Variants in LARGE1 observed in about 807,000 individuals in gnomAD.
The protein encoded by LARGE1 is xylosyl- and glucuronyltransferase LARGE1.
LARGE1 carries 43 observed loss-of-function variants against 87.6 expected under a neutral mutation model. The ratio of observed to expected loss-of-function variants is 0.49; its 90% CI spans 0.38 to 0.63. The LOEUF is 0.63. Ranked by LOEUF, LARGE1 falls within the 30% of genes least tolerant of loss-of-function variation. The pLI is 0.00. For missense variants in LARGE1, 802 were observed against 1,000.2 expected (o/e 0.80, Z 2.67); for synonymous variants, 434 against 394.6 (o/e 1.10, Z -1.18).
At chr22:33,751,037 C>T (rs1455749044) in intron 2 of LARGE1, among the ~76,000 whole-genome samples, 1 of 152,186 alleles carries the variant, frequency 6.6e-6, no homozygotes, top group Non-Finnish European at 1.5e-5. Flanking sequence ...GCAAAACCTA[C>T]AAAATCACTT....
chr22:33,735,866 T>C (rs1344942221), intron 2 of LARGE1, among the ~76,000 whole-genome samples: 1 of 152,224 alleles, frequency 6.6e-6, no homozygotes, highest in Non-Finnish European at 1.5e-5. Flanking sequence ...ATTCTGACAT[T>C]TCATATAAAT....
chr22:33,543,553 G>GT (rs1286582068), intron 6 of LARGE1, among the ~76,000 whole-genome samples: 1 of 152,234 alleles, frequency 6.6e-6, no homozygotes, highest in Non-Finnish European at 1.5e-5. Context: ...AATGATGGTA[G>GT]TAAGTGGAAA....
At chr22:33,450,561 C>T (rs946532496) in intron 6 of LARGE1, among the ~76,000 whole-genome samples, 1 of 151,746 alleles carries the variant, frequency 6.6e-6, no homozygotes, top group Non-Finnish European at 1.5e-5. Flanking sequence ...TGCAGTGAGC[C>T]AAGATACTGC....
At chr22:33,381,461 C>A (rs1189520167) in intron 9 of LARGE1, among the ~76,000 whole-genome samples, 1 of 152,172 alleles carries the variant, frequency 6.6e-6, no homozygotes. Context: ...GACTGACCCA[C>A]CCACACCTGT....
chr22:33,512,699 A>G lies in LARGE1; in HGVS notation c.787+52149T>C, dbSNP rs376259599. On this transcript the variant is annotated intron_variant, in intron 6 of 14. Transcript: ENST00000397394. ...GCGCCTGTAATCCCAGCTACTCGGGAGGCTGAGGCAGGATAATCACTTAAA... is the reference window on the plus strand; with the variant it reads ...GCGCCTGTAATCCCAGCTACTCGGGGGGCTGAGGCAGGATAATCACTTAAA... Among the ~76,000 whole-genome samples the G allele has an allele frequency of 4.1e-4, 62 of 152,306 alleles. 1 individual carries two copies. In the South Asian group the frequency reaches 0.013, roughly 31 times the overall value.
Position 33,542,093 on chromosome 22 carries a change from T to C in LARGE1, c.787+22755A>G, listed in dbSNP as rs547208454. Among the ~76,000 whole-genome samples, 646 of 137,190 alleles carry C rather than the reference T, an allele frequency of 4.7e-3. 5 individuals carry two copies. Among genetic ancestry groups the C allele is most frequent in the African/African-American group, 0.016 (597 of 36,420 alleles). 90.0% of individuals were successfully genotyped at this position (137,190 alleles called of 152,430 possible). On this transcript the variant is annotated intron_variant, in intron 6 of 14. Transcript: ENST00000397394. Reference sequence around the variant, plus strand: ...AGGAGAAACCCTTGAACCAAGGAGGTAGAGGTTGCATTGAGCCGAGATCGC... The same window carrying C: ...AGGAGAAACCCTTGAACCAAGGAGGCAGAGGTTGCATTGAGCCGAGATCGC...
chr22:33,074,853 A>G, the LARGE1 span, among the ~76,000 whole-genome samples: 2 of 152,146 alleles, frequency 1.3e-5, no homozygotes, highest in South Asian at 2.1e-4. Flanking sequence ...TGTTTTCTAT[A>G]TATTTGACAT....
the LARGE1 span, among the ~76,000 whole-genome samples, chr22:33,117,084 T>C: frequency 1.3e-5 from 2 of 152,232 alleles, no homozygotes; most frequent in Admixed American, 6.5e-5. Flanking sequence ...CTGAGTCTCA[T>C]GTCTACTGAA....
chr22:33,891,470 C>T (rs2065004855), intron 1 of LARGE1, among the ~76,000 whole-genome samples: 1 of 150,456 alleles, frequency 6.6e-6, no homozygotes, highest in Non-Finnish European at 1.5e-5. Flanking sequence ...TGAGAGGATG[C>T]CATTCTATTA....
At chr22:33,163,411 T>C (rs1374032193) in exon 12 of LARGE1, 1 of 152,258 alleles carries the variant, frequency 6.6e-6, no homozygotes, top group Non-Finnish European at 1.5e-5. Context: ...GTTTCAATAC[T>C]CCAGAATGAA....
In LARGE1 at chr22:33,824,384, GA is replaced by G. The variant is rs534791406; in HGVS notation, c.-82-62827del. 1.6e-4 allele frequency among the ~76,000 whole-genome samples: 24 copies of G among 152,318 alleles called. No homozygotes were observed. The South Asian group carries it at 5.0e-3, about 32-fold the overall frequency. ...TTCACATGGTGGAAGGAGAAAGAGA[GA>G]GCAAAAGGGGAAATGCTATACACTT... On this transcript the variant is annotated intron_variant, in intron 1 of 14. Coordinates refer to ENST00000397394, the MANE Select transcript of LARGE1 (RefSeq NM_133642.5).
chr22:33,755,836 A>G (rs1320951608), intron 2 of LARGE1, among the ~76,000 whole-genome samples: 2 of 152,154 alleles, frequency 1.3e-5, no homozygotes, highest in African/African-American at 4.8e-5. Flanking sequence ...GACGAATAAA[A>G]CACTTCCTTC....
chr22:33,372,885 G>T (rs1256616700), intron 9 of LARGE1, among the ~76,000 whole-genome samples: 1 of 152,190 alleles, frequency 6.6e-6, no homozygotes, highest in East Asian at 1.9e-4. Context: ...AGACAGACAG[G>T]AATCCATAAG....
the LARGE1 span, chr22:33,110,570 C>T: frequency 6.6e-6 from 1 of 152,282 alleles, no homozygotes; most frequent in East Asian, 1.9e-4. Context: ...ATCACAGAGA[C>T]CACTGGATAA....
intron 1 of LARGE1, among the ~76,000 whole-genome samples, chr22:33,811,546 AG>A (rs2086493914): frequency 1.3e-5 from 2 of 152,202 alleles, no homozygotes; most frequent in Admixed American, 1.3e-4. Flanking sequence ...CAGCTTTCCA[AG>A]GAAAAAAAGA....
intron 11 of LARGE1, among the ~76,000 whole-genome samples, chr22:33,251,725 G>A (rs1210725378): frequency 6.6e-6 from 1 of 152,130 alleles, no homozygotes; most frequent in Non-Finnish European, 1.5e-5. Context: ...TGCCATATCA[G>A]TTTCTGCCAC....
the LARGE1 span, among the ~76,000 whole-genome samples, chr22:33,080,672 A>G: frequency 1.3e-5 from 2 of 152,194 alleles, no homozygotes; most frequent in Admixed American, 6.5e-5. Context: ...TATTAGCAGC[A>G]TTTTGCAGAT....
At chr22:33,863,484 G>A (rs2063992357) in intron 1 of LARGE1, among the ~76,000 whole-genome samples, 1 of 152,036 alleles carries the variant, frequency 6.6e-6, no homozygotes, top group Non-Finnish European at 1.5e-5. Flanking sequence ...GAGGAGCCAG[G>A]CCCAGTGGCT....
intron 9 of LARGE1, among the ~76,000 whole-genome samples, chr22:33,347,006 A>T (rs1939841658): frequency 6.6e-6 from 1 of 152,232 alleles, no homozygotes; most frequent in Non-Finnish European, 1.5e-5. Context: ...GAACCATGAC[A>T]GCCATCTTGT....
Sources: allele counts gnomAD v4.1 joint callset (sites outside exome capture counted in the v4.1 genomes callset), GRCh38; gene constraint gnomAD v4.1.1; transcripts MANE v1.5; gene names NCBI Gene and HGNC (gene_info 2026-07-23, HGNC 2026-07-21).